Variants in RNF152 observed in about 807,000 individuals in gnomAD.
RNF152 encodes E3 ubiquitin-protein ligase RNF152.
In RNF152, 11 loss-of-function variants were observed where a neutral mutation model predicts 12.7. The ratio of observed to expected loss-of-function variants is 0.86; its 90% CI spans 0.54 to 1.43. The LOEUF is 1.43. Ranked by LOEUF, RNF152 falls within the 40% of genes most tolerant of loss-of-function variation. The pLI is 0.00. For missense variants in RNF152, 255 were observed against 274.8 expected (o/e 0.93, Z 0.51); for synonymous variants, 113 against 120.3 (o/e 0.94, Z 0.40).
chr18:61,872,303 A>G (rs1912030326), intron 1 of RNF152, among the ~76,000 whole-genome samples: 1 of 152,142 alleles, frequency 6.6e-6, no homozygotes. Context: ...ACAATTCAAC[A>G]TGAGATTTGG....
intron 1 of RNF152, among the ~76,000 whole-genome samples, chr18:61,821,565 C>T (rs1489014771): frequency 6.6e-6 from 1 of 152,142 alleles, no homozygotes; most frequent in Non-Finnish European, 1.5e-5. Flanking sequence ...TCCATGTAGA[C>T]CAGAAAAGAA....
At chr18:61,833,646 T>C (rs1237529636) in intron 1 of RNF152, among the ~76,000 whole-genome samples, 1 of 152,260 alleles carries the variant, frequency 6.6e-6, no homozygotes, top group Non-Finnish European at 1.5e-5. Flanking sequence ...TGTTTGTTTT[T>C]CTTTAGCTGA....
intron 1 of RNF152, among the ~76,000 whole-genome samples, chr18:61,854,399 A>G (rs1911125170): frequency 1.3e-5 from 2 of 152,188 alleles, no homozygotes; most frequent in South Asian, 4.1e-4. Context: ...TGAATTTGCT[A>G]AGACATACAC....
At chr18:61,836,662 G>A (rs1910201830) in intron 1 of RNF152, among the ~76,000 whole-genome samples, 1 of 152,026 alleles carries the variant, frequency 6.6e-6, no homozygotes, top group South Asian at 2.1e-4. Flanking sequence ...CCCAGTCAAT[G>A]TTGTTTTGTT....
chr18:61,883,068 C>G lies in RNF152; in HGVS notation c.-136+9727G>C, dbSNP rs375499397. Among the ~76,000 whole-genome samples the G allele has an allele frequency of 6.6e-5, 10 of 152,324 alleles. No homozygotes were observed. The East Asian group carries it at 1.9e-3, about 29-fold the overall frequency. ...AGGAAACCCAGAGCATATCTAGATG[C>G]ATGCATTTTCAAATGAGTGATGGAA... On this transcript the variant is annotated intron_variant, in intron 1 of 1. Transcript: ENST00000312828.
intron 1 of RNF152, among the ~76,000 whole-genome samples, chr18:61,856,310 G>A (rs1013217300): frequency 2.0e-5 from 3 of 152,134 alleles, no homozygotes; most frequent in African/African-American, 7.2e-5. Flanking sequence ...TACACGATGG[G>A]TTCCTGTCCT....
Position 61,811,023 on chromosome 18 carries a change from G to A in RNF152, c.*4829C>T, listed in dbSNP as rs2144597696. 1 of 147,402 alleles carries A rather than the reference G, an allele frequency of 6.8e-6. No individual in the cohort carries two copies. Among genetic ancestry groups the A allele is most frequent in the East Asian group, 2.0e-4 (1 of 5,076 alleles). The allele number at this position is 147,402 out of a possible 1,614,324, so 9.1% of individuals were successfully genotyped here. A position where few individuals can be genotyped will look rare whatever the true frequency, so the allele number is the denominator to read the frequency against. On this transcript the variant is annotated 3_prime_UTR_variant, in exon 2 of 2. Coordinates refer to ENST00000312828, the MANE Select transcript of RNF152 (RefSeq NM_173557.3). ...TTTGAACTTCTATCTTCCTATTAAG[G>A]CTAAAGAAAGATTAGTATCTTGGCA...
chr18:61,837,929 G>A (rs895818357), intron 1 of RNF152, among the ~76,000 whole-genome samples: 1 of 152,102 alleles, frequency 6.6e-6, no homozygotes, highest in African/African-American at 2.4e-5. Context: ...ACAAAATCCA[G>A]GCCTCATCTC....
At chr18:61,828,960 T>A (rs925317237) in intron 1 of RNF152, among the ~76,000 whole-genome samples, 21 of 152,042 alleles carry the variant, frequency 1.4e-4, no homozygotes, top group Admixed American at 1.4e-3. Context: ...GTCTGGGGCA[T>A]CCAGGAAGGA....
At chr18:61,834,107 T>C (rs1910074903) in intron 1 of RNF152, among the ~76,000 whole-genome samples, 1 of 152,228 alleles carries the variant, frequency 6.6e-6, no homozygotes, top group Non-Finnish European at 1.5e-5. Flanking sequence ...CAATCTTATT[T>C]TTGTTACGTC....
chr18:61,893,379 C>T (rs1173196189), upstream of RNF152: 1 of 152,476 alleles, frequency 6.6e-6, no homozygotes, highest in Non-Finnish European at 1.5e-5. Flanking sequence ...TCACCGCCAC[C>T]TCATCAAGTC....
chr18:61,867,704 C>T (rs777353696), intron 1 of RNF152, among the ~76,000 whole-genome samples: 37 of 152,090 alleles, frequency 2.4e-4, no homozygotes, highest in Non-Finnish European at 4.0e-4. Flanking sequence ...TCCTGGGATA[C>T]AATTCTGACT....
chr18:61,844,870 CA>C (rs376156120), intron 1 of RNF152, among the ~76,000 whole-genome samples: 1,611 of 131,922 alleles, frequency 0.012, 20 homozygotes, highest in South Asian at 0.031. Flanking sequence ...CCTTTTAAAA[CA>C]AAAAAAAAAA....
At chr18:61,819,630 T>C (rs1282294240) in intron 1 of RNF152, among the ~76,000 whole-genome samples, 8 of 151,992 alleles carry the variant, frequency 5.3e-5, no homozygotes, top group Non-Finnish European at 1.2e-4. Context: ...TTATGAGAAA[T>C]AGGGATCATG....
intron 1 of RNF152, among the ~76,000 whole-genome samples, chr18:61,848,505 TA>T (rs1910833203): frequency 6.6e-6 from 1 of 152,198 alleles, no homozygotes; most frequent in South Asian, 2.1e-4. Context: ...GCAACATCCG[TA>T]AACTTACTAC....
chr18:61,826,149 C>T (rs551597451), intron 1 of RNF152, among the ~76,000 whole-genome samples: 48 of 152,274 alleles, frequency 3.2e-4, no homozygotes, highest in Non-Finnish European at 5.9e-4. Context: ...GGTATAAAGA[C>T]TATTTTAAGC....
At chr18:61,891,823 T>C (rs1181649000) in intron 1 of RNF152, among the ~76,000 whole-genome samples, 1 of 152,226 alleles carries the variant, frequency 6.6e-6, no homozygotes, top group Non-Finnish European at 1.5e-5. Context: ...AGAGAATCTG[T>C]CACAGATACC....
intron 1 of RNF152, among the ~76,000 whole-genome samples, chr18:61,837,639 C>T (rs1910249153): frequency 6.6e-6 from 1 of 152,170 alleles, no homozygotes; most frequent in Non-Finnish European, 1.5e-5. Flanking sequence ...ATTCCACTTG[C>T]TCAGTTGTTC....
intron 1 of RNF152, among the ~76,000 whole-genome samples, chr18:61,853,498 G>A (rs1309533284): frequency 3.3e-5 from 5 of 151,960 alleles, no homozygotes; most frequent in Non-Finnish European, 7.4e-5. Flanking sequence ...CACCATGTTG[G>A]CCAGACTGGT....
Sources: allele counts gnomAD v4.1 joint callset (sites outside exome capture counted in the v4.1 genomes callset), GRCh38; gene constraint gnomAD v4.1.1; transcripts MANE v1.5; gene names NCBI Gene and HGNC (gene_info 2026-07-23, HGNC 2026-07-21).